Variants in NOL4 observed in about 807,000 individuals in gnomAD.
NOL4 encodes the protein nucleolar protein 4.
In NOL4, 17 loss-of-function variants were observed where a neutral mutation model predicts 75.9. That is an observed-to-expected ratio of 0.22 (90% CI 0.15 to 0.34). The LOEUF (loss-of-function observed/expected upper bound fraction) is 0.34. Among genes scored for constraint, NOL4 ranks in the 10% least tolerant of loss-of-function variants. The pLI is 1.00. For missense variants in NOL4, 614 were observed against 793.5 expected, an observed-to-expected ratio of 0.77 and a Z score of 2.72; for synonymous variants, 292 against 289.9, an observed-to-expected ratio of 1.01 and a Z score of -0.07.
chr18:33,974,349 A>G (rs2071328018), intron 6 of NOL4, among the ~76,000 whole-genome samples: 2 of 152,164 alleles, frequency 1.3e-5, no homozygotes, highest in South Asian at 2.1e-4. Flanking sequence ...TTGATGTTCT[A>G]TCCAGACTAT....
intron 5 of NOL4, among the ~76,000 whole-genome samples, chr18:34,038,462 T>C (rs973884272): frequency 5.9e-5 from 9 of 151,984 alleles, no homozygotes; most frequent in Non-Finnish European, 1.3e-4. Context: ...CTATTCAAAA[T>C]AGCAAAAATA....
At position 33,852,834 on chromosome 18, in the gene NOL4, C is replaced by A; in HGVS notation, c.*8G>T. ...TTTAGACCTCAGTGAATATGGTGGT[C>A]GTCTGTCTCAGTTCTGTTGTAAAAT... On this transcript the variant is annotated 3_prime_UTR_variant, in exon 11 of 11. Transcript: ENST00000261592. The A allele has an allele frequency of 1.9e-6, 3 of 1,606,242 alleles. No individual in the cohort carries two copies. The highest frequency in any genetic ancestry group is 2.2e-5 in the South Asian group (2 of 89,962).
At chr18:33,910,370 A>T (rs2066325475) in intron 9 of NOL4, among the ~76,000 whole-genome samples, 1 of 152,122 alleles carries the variant, frequency 6.6e-6, no homozygotes, top group Non-Finnish European at 1.5e-5. Flanking sequence ...GAAAGATAAC[A>T]GTGCGTGGCC....
At chr18:33,924,680 G>A (rs755381618) in intron 9 of NOL4, among the ~76,000 whole-genome samples, 3 of 152,140 alleles carry the variant, frequency 2.0e-5, no homozygotes, top group Admixed American at 1.3e-4. Context: ...TAAAATTGTC[G>A]AGTCAAACAA....
intron 2 of NOL4, among the ~76,000 whole-genome samples, chr18:34,114,430 C>A (rs552229704): frequency 1.3e-5 from 2 of 152,026 alleles, no homozygotes; most frequent in African/African-American, 4.8e-5. Context: ...TGTGACAAAC[C>A]ACATATTAAA....
intron 1 of NOL4, among the ~76,000 whole-genome samples, chr18:34,174,678 G>A (rs2033373488): frequency 6.6e-6 from 1 of 151,878 alleles, no homozygotes; most frequent in Admixed American, 6.6e-5. Flanking sequence ...CCCTCTGCTA[G>A]CCCCCCACCT....
intron 5 of NOL4, among the ~76,000 whole-genome samples, chr18:34,075,073 G>A (rs1387536656): frequency 6.6e-6 from 1 of 152,106 alleles, no homozygotes; most frequent in Non-Finnish European, 1.5e-5. Flanking sequence ...GTGCTTCCAA[G>A]AGTGAAAAAA....
At position 34,133,041 on chromosome 18, in the gene NOL4, G is replaced by T. The variant is rs535312579; in HGVS notation, c.265-3021C>A. 7.4e-5 allele frequency among the ~76,000 whole-genome samples: 11 copies of T among 148,810 alleles called. No homozygotes were observed. The South Asian group carries it at 1.9e-3, about 25-fold the overall frequency. Reference sequence around the variant, plus strand: ...TCTCAGCAATTTGGGAGGAGGCAGAGGGGGGTGGATCACCTGAGGTCAGGA... The same window carrying T: ...TCTCAGCAATTTGGGAGGAGGCAGATGGGGGTGGATCACCTGAGGTCAGGA... On this transcript the variant is annotated intron_variant, in intron 1 of 10. Transcript: ENST00000261592.
intron 1 of NOL4, among the ~76,000 whole-genome samples, chr18:34,176,569 A>C (rs79450223): frequency 1.3e-5 from 2 of 152,208 alleles, no homozygotes; most frequent in Non-Finnish European, 2.9e-5. Flanking sequence ...TGGTATTTGG[A>C]AATGGGGCTT....
intron 9 of NOL4, among the ~76,000 whole-genome samples, chr18:33,908,671 G>A (rs1025948478): frequency 1.3e-5 from 2 of 152,062 alleles, no homozygotes; most frequent in African/African-American, 4.8e-5. Flanking sequence ...TCAAACTAAG[G>A]TAATTAGATA....
intron 1 of NOL4, among the ~76,000 whole-genome samples, chr18:34,178,066 GACAA>G (rs2146310792): frequency 6.6e-6 from 1 of 151,794 alleles, no homozygotes; most frequent in East Asian, 1.9e-4. Flanking sequence ...TGTGTTGATG[GACAA>G]ACAATGTATA....
At chr18:34,188,512 T>C (rs2034665884) in intron 1 of NOL4, among the ~76,000 whole-genome samples, 1 of 152,242 alleles carries the variant, frequency 6.6e-6, no homozygotes, top group Admixed American at 6.5e-5. Context: ...TAGCTTGGCC[T>C]AGCCTATGTT....
At chr18:34,049,072 GCGCACACA>G (rs1186744231) in intron 5 of NOL4, among the ~76,000 whole-genome samples, 1,931 of 126,276 alleles carry the variant, frequency 0.015, 17 homozygotes, top group East Asian at 0.04. Context: ...ATACAGGCGC[GCGCACACA>G]CACACACACA....
chr18:33,879,688 A>T (rs1480864329), intron 10 of NOL4, among the ~76,000 whole-genome samples: 1 of 152,018 alleles, frequency 6.6e-6, no homozygotes, highest in Non-Finnish European at 1.5e-5. Context: ...CCTAAAAATA[A>T]AAAAGATAGT....
chr18:33,946,042 A>T (rs985717214), intron 8 of NOL4, among the ~76,000 whole-genome samples: 5 of 151,764 alleles, frequency 3.3e-5, no homozygotes, highest in African/African-American at 1.2e-4. Context: ...TCTTTAAAAA[A>T]TCTGTATATA....
Position 34,007,886 on chromosome 18 carries a change from A to G in NOL4, c.1056+11432T>C, listed in dbSNP as rs1347541667. Reference sequence around the variant, plus strand: ...GAAGTTGCATATGGGTGCCGAGTTAATAAGTGGGGGACTTGTGATGGCTAA... The same window carrying G: ...GAAGTTGCATATGGGTGCCGAGTTAGTAAGTGGGGGACTTGTGATGGCTAA... On this transcript the variant is annotated intron_variant, in intron 6 of 10. Transcript: ENST00000261592. 2.6e-5 allele frequency among the ~76,000 whole-genome samples: 4 copies of G among 151,942 alleles called. No homozygotes were observed. The East Asian group carries it at 7.8e-4, about 29-fold the overall frequency.
At chr18:34,094,929 T>A (rs1030910107) in intron 4 of NOL4, among the ~76,000 whole-genome samples, 1 of 152,136 alleles carries the variant, frequency 6.6e-6, no homozygotes, top group South Asian at 2.1e-4. Flanking sequence ...TATATTTGAA[T>A]AGGAAGAATT....
chr18:34,156,545 G>A (rs1052061816), intron 1 of NOL4: 1 of 152,150 alleles, frequency 6.6e-6, no homozygotes, highest in Non-Finnish European at 1.5e-5. Flanking sequence ...GACTTGGGAT[G>A]TGGAAAGCTC....
Position 34,123,698 on chromosome 18 carries a change from G to A in NOL4, c.414+6173C>T, listed in dbSNP as rs140558687. On this transcript the variant is annotated intron_variant, in intron 2 of 10. Transcript: ENST00000261592. ...ATCTATATATCTAATAGATATATATGTATATATAGAGAGATAGATGGATAC... is the reference window on the plus strand; with the variant it reads ...ATCTATATATCTAATAGATATATATATATATATAGAGAGATAGATGGATAC... Among the ~76,000 whole-genome samples, 24 of 147,802 alleles carry A rather than the reference G, an allele frequency of 1.6e-4. No individual in the cohort carries two copies. The East Asian group carries it at 4.7e-3, about 29-fold the overall frequency.
Sources: allele counts gnomAD v4.1 joint callset (sites outside exome capture counted in the v4.1 genomes callset), GRCh38; gene constraint gnomAD v4.1.1; transcripts MANE v1.5; gene names NCBI Gene and HGNC (gene_info 2026-07-23, HGNC 2026-07-21).